STX8: variants seen among roughly 807,000 people sequenced by gnomAD.
The protein encoded by STX8 is syntaxin 8.
A neutral mutation model predicts 37.5 loss-of-function variants in STX8; 23 were observed. That is an observed-to-expected ratio of 0.61 (90% CI 0.44 to 0.87). STX8 has a LOEUF of 0.87. Ranked by LOEUF, STX8 falls within the 40% of genes least tolerant of loss-of-function variation. STX8 has a pLI of 0.00. For synonymous variants in STX8, 115 were observed against 99.1 expected, an observed-to-expected ratio of 1.16 and a Z score of -0.95; for missense variants, 313 against 284.7, an observed-to-expected ratio of 1.10 and a Z score of -0.71.
intron 6 of STX8, among the ~76,000 whole-genome samples, chr17:9,427,817 C>A (rs1913694270): frequency 6.6e-6 from 1 of 152,094 alleles, no homozygotes. Context: ...TGCAGGCACT[C>A]ATTTTTAATT....
chr17:9,552,969 G>C (rs1351421210), intron 3 of STX8: 1 of 152,048 alleles, frequency 6.6e-6, no homozygotes, highest in South Asian at 2.1e-4. Flanking sequence ...ATTTCCAAAG[G>C]CCTTCTCCCA....
intron 7 of STX8, among the ~76,000 whole-genome samples, chr17:9,352,322 A>G (rs537230919): frequency 6.6e-6 from 1 of 152,090 alleles, no homozygotes; most frequent in Non-Finnish European, 1.5e-5. Context: ...CCTGCTTCCC[A>G]TATCTTTTCA....
chr17:9,360,026 C>T (rs1284557314), intron 7 of STX8, among the ~76,000 whole-genome samples: 2 of 151,754 alleles, frequency 1.3e-5, no homozygotes, highest in Non-Finnish European at 1.5e-5. Flanking sequence ...GTCAAAGGGC[C>T]ATTTTTTGAG....
intron 7 of STX8, among the ~76,000 whole-genome samples, chr17:9,283,461 A>C (rs748128903): frequency 4.6e-5 from 7 of 152,180 alleles, no homozygotes; most frequent in Non-Finnish European, 1.0e-4. Context: ...GAATCACTGA[A>C]CCTGGGAGGC....
intron 7 of STX8, among the ~76,000 whole-genome samples, chr17:9,320,289 C>A (rs1321259588): frequency 6.8e-6 from 1 of 146,688 alleles, no homozygotes; most frequent in Non-Finnish European, 1.5e-5. Context: ...GCCAAGATGG[C>A]ACCACTGCAC....
At chr17:9,314,325 G>A (rs1042660397) in intron 7 of STX8, among the ~76,000 whole-genome samples, 1 of 152,074 alleles carries the variant, frequency 6.6e-6, no homozygotes. Context: ...ATAATTCTGG[G>A]TCTTGCTATA....
intron 7 of STX8, among the ~76,000 whole-genome samples, chr17:9,310,169 A>T (rs1053825228): frequency 1.3e-5 from 2 of 152,090 alleles, no homozygotes; most frequent in Non-Finnish European, 2.9e-5. Flanking sequence ...ACATACAAAC[A>T]CACACACAAA....
chr17:9,344,862 A>T (rs1456605681), intron 7 of STX8, among the ~76,000 whole-genome samples: 1 of 152,214 alleles, frequency 6.6e-6, no homozygotes, highest in Non-Finnish European at 1.5e-5. Context: ...CAGCCTTTGC[A>T]TCTGGTTTAG....
chr17:9,413,987 C>T (rs201158882), intron 6 of STX8, among the ~76,000 whole-genome samples: 1,815 of 69,650 alleles, frequency 0.026, no homozygotes, highest in Middle Eastern at 0.09. Context: ...ACAAATCATC[C>T]ATCCACCCAC....
intron 7 of STX8, among the ~76,000 whole-genome samples, chr17:9,262,802 G>C (rs1907091627): frequency 6.6e-6 from 1 of 152,054 alleles, no homozygotes; most frequent in African/African-American, 2.4e-5. Context: ...GGATGGTCTT[G>C]ATCTCCAGAT....
intron 7 of STX8, among the ~76,000 whole-genome samples, chr17:9,272,961 A>G (rs1481445195): frequency 6.6e-6 from 1 of 152,202 alleles, no homozygotes; most frequent in Non-Finnish European, 1.5e-5. Flanking sequence ...TTTTCAATCC[A>G]CATTATTTAT....
chr17:9,406,183 G>T (rs919885944), intron 6 of STX8, among the ~76,000 whole-genome samples: 1 of 152,160 alleles, frequency 6.6e-6, no homozygotes, highest in African/African-American at 2.4e-5. Context: ...TACATGGCAA[G>T]CAATTCAACT....
chr17:9,529,547 G>C (rs1351829509), intron 4 of STX8, among the ~76,000 whole-genome samples: 2 of 152,086 alleles, frequency 1.3e-5, no homozygotes, highest in Admixed American at 1.3e-4. Flanking sequence ...CAGAACCCCA[G>C]GAGCCCTGTC....
intron 6 of STX8, among the ~76,000 whole-genome samples, chr17:9,418,943 A>C (rs1488848361): frequency 8.5e-6 from 1 of 117,006 alleles, no homozygotes; most frequent in Non-Finnish European, 1.8e-5. Flanking sequence ...TTTTTTAAAG[A>C]GATGGGCTCT....
At chr17:9,304,523 A>G (rs569611827) in intron 7 of STX8, among the ~76,000 whole-genome samples, 18 of 150,946 alleles carry the variant, frequency 1.2e-4, no homozygotes, top group East Asian at 7.7e-4. Context: ...AAAAAAAAAA[A>G]AAAAAAGAAA....
At chr17:9,512,885 T>C (rs1394750105) in intron 4 of STX8, among the ~76,000 whole-genome samples, 1 of 152,138 alleles carries the variant, frequency 6.6e-6, no homozygotes, top group East Asian at 1.9e-4. Flanking sequence ...CAACTCAAAA[T>C]GATTCAAAGA....
At chr17:9,550,020 G>C (rs555153795) in intron 3 of STX8, among the ~76,000 whole-genome samples, 1 of 152,028 alleles carries the variant, frequency 6.6e-6, no homozygotes, top group Non-Finnish European at 1.5e-5. Flanking sequence ...TCAGGAGTTC[G>C]AGACCAGCCT....
chr17:9,389,359 G>A (rs1912128497), intron 6 of STX8, among the ~76,000 whole-genome samples: 1 of 152,222 alleles, frequency 6.6e-6, no homozygotes, highest in South Asian at 2.1e-4. Context: ...ATTCCTGACT[G>A]TAGAGCCTCC....
chr17:9,327,889 T>C (rs1909830583), intron 7 of STX8, among the ~76,000 whole-genome samples: 1 of 148,334 alleles, frequency 6.7e-6, no homozygotes, highest in African/African-American at 2.6e-5. Context: ...TTCCTTCCCT[T>C]CTTCCCTCCC....
Sources: allele counts gnomAD v4.1 joint callset (sites outside exome capture counted in the v4.1 genomes callset), GRCh38; gene constraint gnomAD v4.1.1; transcripts MANE v1.5; gene names NCBI Gene and HGNC (gene_info 2026-07-23, HGNC 2026-07-21).